CFAP54: variants seen among roughly 807,000 people sequenced by gnomAD.
CFAP54 encodes cilia and flagella associated protein 54, also known as cilia- and flagella-associated protein 54.
CFAP54 carries 290 observed loss-of-function variants against 370.4 expected under a neutral mutation model. The ratio of observed to expected loss-of-function variants is 0.78; its 90% CI spans 0.71 to 0.86. CFAP54 has a LOEUF of 0.86. Ranked by LOEUF, CFAP54 falls within the 40% of genes least tolerant of loss-of-function variation. CFAP54 has a pLI of 0.00. For synonymous variants in CFAP54, 1,206 were observed against 1,236.5 expected, an observed-to-expected ratio of 0.98 and a Z score of 0.52; for missense variants, 3,399 against 3,528.7, an observed-to-expected ratio of 0.96 and a Z score of 0.93.
chr12:96,700,857 G>A (rs1031464419), intron 46 of CFAP54, among the ~76,000 whole-genome samples: 1 of 151,952 alleles, frequency 6.6e-6, no homozygotes, highest in Non-Finnish European at 1.5e-5. Flanking sequence ...TGTGTGTGAG[G>A]AGTGAGACTG....
At chr12:96,825,913 A>G (rs542893738) in intron 65 of CFAP54, among the ~76,000 whole-genome samples, 45 of 139,816 alleles carry the variant, frequency 3.2e-4, no homozygotes, top group African/African-American at 7.8e-4. Flanking sequence ...ATAACAGAAT[A>G]TATTCATATA....
chr12:96,697,967 C>T (rs773114175), intron 45 of CFAP54, among the ~76,000 whole-genome samples: 14 of 152,358 alleles, frequency 9.2e-5, no homozygotes, highest in Non-Finnish European at 1.8e-4. Context: ...GGCCTCTACA[C>T]TAAGGTCCCT....
At chr12:96,526,490 GCTTATTAAAAGTGTCCTAAACA>G (rs1217883657) in intron 8 of CFAP54, among the ~76,000 whole-genome samples, 2 of 152,146 alleles carry the variant, frequency 1.3e-5, no homozygotes, top group Non-Finnish European at 2.9e-5. Flanking sequence ...ATCCTGTGGT[GCTTATTAAAAGTGTCCTAAACA>G]CTTATTAAAA....
At chr12:96,576,178 T>C (rs1248655356) in intron 19 of CFAP54, among the ~76,000 whole-genome samples, 3 of 152,044 alleles carry the variant, frequency 2.0e-5, no homozygotes, top group Admixed American at 2.0e-4. Context: ...AATATTCTTA[T>C]TATTTGAGAG....
intron 48 of CFAP54, among the ~76,000 whole-genome samples, chr12:96,711,491 C>G (rs1430414049): frequency 6.6e-6 from 1 of 152,106 alleles, no homozygotes; most frequent in East Asian, 1.9e-4. Context: ...AGACTCTGTC[C>G]CACAAGGTGG....
intron 48 of CFAP54, 52 bp from the exon 49 acceptor site, chr12:96,718,391 T>G (rs1297421852): frequency 3.4e-6 from 3 of 885,958 alleles, no homozygotes; most frequent in Non-Finnish European, 5.6e-6. Flanking sequence ...GAATTAATAT[T>G]TAAACTAACC....
chr12:96,743,995 A>G (rs774964916), intron 54 of CFAP54, 25 bp from the exon 55 acceptor site: 1 of 1,604,610 alleles, frequency 6.2e-7, no homozygotes, highest in Non-Finnish European at 8.5e-7. Flanking sequence ...CTAATTGCTC[A>G]TTACAATATT....
intron 19 of CFAP54, among the ~76,000 whole-genome samples, chr12:96,569,942 G>A (rs921863646): frequency 6.6e-6 from 1 of 151,622 alleles, no homozygotes; most frequent in Non-Finnish European, 1.5e-5. Context: ...TTTTTTTTAG[G>A]GGGGAAGAAT....
chr12:96,736,357 C>G (rs1162492788), intron 50 of CFAP54, among the ~76,000 whole-genome samples: 1 of 152,182 alleles, frequency 6.6e-6, no homozygotes, highest in African/African-American at 2.4e-5. Flanking sequence ...AAGACTGTCT[C>G]TTGCTTCAGG....
chr12:96,636,819 C>T (rs1486762482), intron 32 of CFAP54, among the ~76,000 whole-genome samples: 2 of 151,938 alleles, frequency 1.3e-5, no homozygotes, highest in East Asian at 3.9e-4. Flanking sequence ...CTGGGTGTGG[C>T]GGCACACGCC....
rs1417483983 is a variant in CFAP54, at chr12:96,708,611, A to T, written c.6532A>T (p.Ile2178Phe). The T allele has an allele frequency of 1.9e-6, 3 of 1,586,180 alleles. No individual in the cohort carries two copies. The highest frequency in any genetic ancestry group is 2.6e-6 in the Non-Finnish European group (3 of 1,173,024). Residue 2178 changes from isoleucine to phenylalanine, a missense_variant, in exon 48 of 68, where the codon ATT becomes TTT. This residue lies in a region of CFAP54 where 2,796 missense variants were observed against 2,869.7 expected (regional missense o/e 0.97). Coordinates refer to ENST00000524981, the MANE Select transcript of CFAP54 (RefSeq NM_001306084.2). The stretch of plus-strand genomic sequence containing the variant: ...TTTCCTTTTTTCCATTTTTTAGGCA[A>T]TTGATGAATTAAGAAATAAAGGCTT... ...LLTSKENIQA[I>F]DELRNKGLPA...
chr12:96,615,917 A>T (rs1956411584), intron 26 of CFAP54, among the ~76,000 whole-genome samples: 1 of 152,248 alleles, frequency 6.6e-6, no homozygotes, highest in Non-Finnish European at 1.5e-5. Flanking sequence ...AGTTGGTGGG[A>T]CTGTAAACTA....
rs148550668 is a variant in CFAP54 at position 96,695,039 on chromosome 12, A to C, written c.6351+1231A>C. 8.1e-3 allele frequency among the ~76,000 whole-genome samples: 1,230 copies of C among 152,266 alleles called. 16 individuals are homozygous for C. Among genetic ancestry groups the C allele is most frequent in the African/African-American group, 0.028 (1,156 of 41,560 alleles). On this transcript the variant is annotated intron_variant, in intron 45 of 67. Coordinates refer to ENST00000524981, the MANE Select transcript of CFAP54 (RefSeq NM_001306084.2). ...CCGTGTCAAAAAAAACAAAAACAAA[A>C]AAAAACAAAAAAACACCTCAAAAGT... is the stretch of plus-strand genomic sequence containing the variant.
At chr12:96,635,084 T>C (rs1440022365) in intron 32 of CFAP54, among the ~76,000 whole-genome samples, 4 of 152,240 alleles carry the variant, frequency 2.6e-5, no homozygotes, top group Admixed American at 6.5e-5. Flanking sequence ...CCATTTCATA[T>C]ACATTTTAGA....
chr12:96,547,335 C>T (rs937509260), intron 14 of CFAP54, among the ~76,000 whole-genome samples: 25 of 152,184 alleles, frequency 1.6e-4, no homozygotes, highest in African/African-American at 4.3e-4. Context: ...TACAGGCACG[C>T]GCCACCATGC....
chr12:96,718,218 G>A (rs1210826093), intron 48 of CFAP54, among the ~76,000 whole-genome samples: 1 of 152,188 alleles, frequency 6.6e-6, no homozygotes, highest in Non-Finnish European at 1.5e-5. Context: ...AATTAGCCGG[G>A]CATGGTGGTG....
intron 19 of CFAP54, among the ~76,000 whole-genome samples, chr12:96,565,689 G>C (rs2136411931): frequency 6.6e-6 from 1 of 152,260 alleles, no homozygotes; most frequent in South Asian, 2.1e-4. Flanking sequence ...CACAGATAAA[G>C]GGATTCATCT....
chr12:96,731,887 A>G (rs1432485349), intron 50 of CFAP54, among the ~76,000 whole-genome samples: 2 of 152,174 alleles, frequency 1.3e-5, no homozygotes, highest in Non-Finnish European at 2.9e-5. Context: ...TTAAAAAAAA[A>G]GATCACTTGT....
intron 12 of CFAP54, among the ~76,000 whole-genome samples, chr12:96,537,434 C>T (rs1245046298): frequency 1.3e-5 from 2 of 152,084 alleles, no homozygotes; most frequent in Non-Finnish European, 2.9e-5. Context: ...CTCTGCCTCC[C>T]GGGTTCAAGC....
Sources: gnomAD v4.1 joint callset for allele counts (sites outside exome capture counted in the v4.1 genomes callset) on GRCh38, gnomAD v4.1.1 for gene constraint, gnomAD v4.1.1 regional missense constraint, MANE v1.5 for transcripts, NCBI Gene and HGNC (gene_info 2026-07-23, HGNC 2026-07-21) for gene names.